Variants in TNKS observed in about 807,000 individuals in gnomAD.
The protein encoded by TNKS is tankyrase.
TNKS carries 72 observed loss-of-function variants against 135.8 expected under a neutral mutation model. That is an observed-to-expected ratio of 0.53 (90% CI 0.44 to 0.64). The LOEUF (loss-of-function observed/expected upper bound fraction) is 0.64, where lower values mean the gene tolerates loss of function less well. Among genes scored for constraint, TNKS ranks in the 30% least tolerant of loss-of-function variants. The pLI is 0.00. For synonymous variants in TNKS, 849 were observed against 649.3 expected, an observed-to-expected ratio of 1.31 and a Z score of -4.68; for missense variants, 1,769 against 1,674.0, an observed-to-expected ratio of 1.06 and a Z score of -0.99.
rs557578601 is a variant in TNKS, at chr8:9,610,540, G to A, written c.899-5042G>A. ...TGGTAAAGAATCTTATACATTGAAG[G>A]CTGTACTGTAGTGAAAGTTTAGTCC... On this transcript the variant is annotated intron_variant, in intron 2 of 26. Transcript: ENST00000310430. 9.9e-4 allele frequency among the ~76,000 whole-genome samples: 151 copies of A among 152,036 alleles called. 1 individual carries two copies. Among genetic ancestry groups the A allele is most frequent in the African/African-American group, 3.4e-3 (140 of 41,496 alleles).
chr8:9,739,502 C>T (rs1207451267), intron 17 of TNKS, among the ~76,000 whole-genome samples: 2 of 24,158 alleles, frequency 8.3e-5, no homozygotes, highest in Non-Finnish European at 1.5e-4. Flanking sequence ...TGTGGCGATT[C>T]CTCAGGGATC....
intron 17 of TNKS, among the ~76,000 whole-genome samples, chr8:9,743,094 GA>G (rs1806053358): frequency 6.6e-6 from 1 of 152,120 alleles, no homozygotes; most frequent in Non-Finnish European, 1.5e-5. Flanking sequence ...TTCGTCCCAT[GA>G]ATTTGATGAT....
At chr8:9,632,956 C>T (rs1283355001) in intron 3 of TNKS, among the ~76,000 whole-genome samples, 1 of 152,138 alleles carries the variant, frequency 6.6e-6, no homozygotes, top group South Asian at 2.1e-4. Context: ...GTCTCAATCT[C>T]CTGACCTCGT....
At chr8:9,773,980 A>T (rs1808087567) in intron 26 of TNKS, among the ~76,000 whole-genome samples, 1 of 152,134 alleles carries the variant, frequency 6.6e-6, no homozygotes, top group African/African-American at 2.4e-5. Context: ...AAAAACACAC[A>T]CGTTTTATGT....
rs1798090554 is a variant in TNKS at position 9,579,568 on chromosome 8, A to C, written c.674-591A>C. ...ACTGCCATCTCTGCCTCCCAGGTTC[A>C]AGCGATTCTCGTGCCTCAGCCTCCC... On this transcript the variant is annotated intron_variant, in intron 1 of 26. Transcript: ENST00000310430. 2.0e-5 allele frequency among the ~76,000 whole-genome samples: 3 copies of C among 152,126 alleles called. No homozygotes were observed. The South Asian group carries it at 6.2e-4, about 32-fold the overall frequency.
intron 2 of TNKS, among the ~76,000 whole-genome samples, chr8:9,602,658 ACT>A (rs1263794216): frequency 6.6e-6 from 1 of 152,078 alleles, no homozygotes; most frequent in Non-Finnish European, 1.5e-5. Flanking sequence ...TCAAATGGAG[ACT>A]CTATATTTTA....
At chr8:9,605,188 G>A (rs1799168461) in intron 2 of TNKS, among the ~76,000 whole-genome samples, 1 of 151,934 alleles carries the variant, frequency 6.6e-6, no homozygotes, top group African/African-American at 2.4e-5. Flanking sequence ...TTTTCTTCTT[G>A]TCAGCCATCC....
intron 2 of TNKS, among the ~76,000 whole-genome samples, chr8:9,607,856 AAC>A (rs1799290421): frequency 6.6e-6 from 1 of 152,170 alleles, no homozygotes; most frequent in Admixed American, 6.5e-5. Context: ...TCTAATGTGA[AAC>A]ACTCCTTTTT....
At chr8:9,609,543 T>G (rs557571318) in intron 2 of TNKS, among the ~76,000 whole-genome samples, 1 of 152,308 alleles carries the variant, frequency 6.6e-6, no homozygotes, top group African/African-American at 2.4e-5. Flanking sequence ...AAATGACAGA[T>G]TTTATTTTTC....
intron 6 of TNKS, among the ~76,000 whole-genome samples, chr8:9,705,319 T>C (rs892859517): frequency 1.3e-5 from 2 of 152,216 alleles, no homozygotes; most frequent in African/African-American, 4.8e-5. Context: ...TCTCCAGAGA[T>C]ATACGATCAT....
intron 20 of TNKS, 39 bp downstream of exon 20, chr8:9,752,665 A>G: frequency 1.4e-6 from 2 of 1,381,864 alleles, no homozygotes; most frequent in Non-Finnish European, 2.0e-6. Flanking sequence ...TTTAAATTAA[A>G]TACTAAGATT....
intron 1 of TNKS, among the ~76,000 whole-genome samples, chr8:9,567,561 G>A (rs1585175540): frequency 6.6e-6 from 1 of 152,076 alleles, no homozygotes; most frequent in South Asian, 2.1e-4. Context: ...GACTACAGGC[G>A]CCCGCCACCA....
intron 12 of TNKS, among the ~76,000 whole-genome samples, chr8:9,724,991 T>C (rs908795952): frequency 2.6e-5 from 4 of 152,192 alleles, no homozygotes; most frequent in African/African-American, 9.7e-5. Flanking sequence ...TCTCTTTATT[T>C]TGTTGAAATG....
chr8:9,720,835 G>A, intron 12 of TNKS, among the ~76,000 whole-genome samples: 1 of 152,250 alleles, frequency 6.6e-6, no homozygotes, highest in East Asian at 1.9e-4. Context: ...AATTATGGTA[G>A]CTATAAAATC....
intron 5 of TNKS, among the ~76,000 whole-genome samples, chr8:9,688,016 G>C (rs1431159020): frequency 6.6e-6 from 1 of 152,202 alleles, no homozygotes; most frequent in African/African-American, 2.4e-5. Context: ...AAAAGAGCAG[G>C]AAGAAACACA....
intron 12 of TNKS, among the ~76,000 whole-genome samples, chr8:9,721,149 G>A (rs1010500048): frequency 2.6e-5 from 4 of 151,560 alleles, no homozygotes; most frequent in East Asian, 1.9e-4. Context: ...GCGGAGTGGC[G>A]CATGCCTTGT....
At chr8:9,713,509 G>A (rs4841201) in intron 11 of TNKS, among the ~76,000 whole-genome samples, 105,266 of 152,020 alleles carry the variant, frequency 0.69, 36,733 homozygotes, top group Middle Eastern at 0.79. Context: ...TATGTGCACA[G>A]TACATTTTCA....
intron 3 of TNKS, among the ~76,000 whole-genome samples, chr8:9,617,349 C>G (rs544614621): frequency 1.3e-5 from 2 of 152,292 alleles, no homozygotes; most frequent in African/African-American, 4.8e-5. Context: ...ATACGAAATT[C>G]TTGGTCATAA....
intron 3 of TNKS, among the ~76,000 whole-genome samples, chr8:9,628,813 T>G (rs933156764): frequency 6.6e-6 from 1 of 152,198 alleles, no homozygotes; most frequent in Non-Finnish European, 1.5e-5. Context: ...TGTCTCAACC[T>G]TAACATGGCC....
Sources: gnomAD v4.1 joint callset for allele counts (sites outside exome capture counted in the v4.1 genomes callset) on GRCh38, gnomAD v4.1.1 for gene constraint, MANE v1.5 for transcripts, NCBI Gene and HGNC (gene_info 2026-07-23, HGNC 2026-07-21) for gene names.